Variants in SGCD observed in about 807,000 individuals in gnomAD.
SGCD encodes sarcoglycan delta.
Under a neutral mutation model 36.6 loss-of-function variants are expected in SGCD, and 18 were observed. The observed-to-expected ratio is 0.49, with a 90% CI of 0.34 to 0.73. The LOEUF is 0.73. Ranked by LOEUF, SGCD falls within the 30% of genes least tolerant of loss-of-function variation. The probability of loss-of-function intolerance (pLI) is 0.01; values close to 1 mark genes in which losing one functional copy is unlikely to be tolerated. For missense variants in SGCD, 387 were observed against 346.7 expected, an observed-to-expected ratio of 1.12 and a Z score of -0.92; for synonymous variants, 133 against 130.6, an observed-to-expected ratio of 1.02 and a Z score of -0.12.
At chr5:156,527,194 A>G (rs1757679890) in intron 4 of SGCD, among the ~76,000 whole-genome samples, 1 of 152,098 alleles carries the variant, frequency 6.6e-6, no homozygotes, top group South Asian at 2.1e-4. Context: ...TCACTGATGT[A>G]CAAACACATT....
At chr5:156,019,827 C>A (rs145989596) in intron 1 of SGCD, among the ~76,000 whole-genome samples, 1 of 152,178 alleles carries the variant, frequency 6.6e-6, no homozygotes, top group Non-Finnish European at 1.5e-5. Context: ...CACTAATCTT[C>A]GGCAACTTTT....
intron 3 of SGCD, among the ~76,000 whole-genome samples, chr5:156,433,209 A>G (rs1267409076): frequency 1.3e-5 from 2 of 152,162 alleles, no homozygotes; most frequent in Non-Finnish European, 2.9e-5. Flanking sequence ...ACTCTGCTCT[A>G]ATCATTCTCT....
At chr5:156,410,785 A>G (rs1772699360) in intron 3 of SGCD, among the ~76,000 whole-genome samples, 1 of 152,092 alleles carries the variant, frequency 6.6e-6, no homozygotes, top group Admixed American at 6.6e-5. Context: ...TATCCCTTAC[A>G]TGAGCTATTA....
At chr5:156,312,820 A>G (rs1365861763) in intron 3 of SGCD, among the ~76,000 whole-genome samples, 1 of 152,140 alleles carries the variant, frequency 6.6e-6, no homozygotes, top group East Asian at 1.9e-4. Context: ...AATTAGTTGG[A>G]ATTAGGATCA....
rs146190799 is a variant in SGCD, at chr5:156,541,640, G to A, written c.294+32938G>A. ...CATGGATGGATGGTGATGAAGGGGC[G>A]CATCATAAGAAGAAAAGGGAAAGGA... On this transcript the variant is annotated intron_variant, in intron 4 of 8. Transcript: ENST00000337851. Among the ~76,000 whole-genome samples the A allele has an allele frequency of 8.5e-4, 130 of 152,068 alleles. 2 individuals are homozygous for A. Among genetic ancestry groups the A allele is most frequent in the East Asian group, 3.3e-3 (17 of 5,184 alleles).
intron 3 of SGCD, among the ~76,000 whole-genome samples, chr5:156,320,234 C>T (rs1767622942): frequency 6.6e-6 from 1 of 151,956 alleles, no homozygotes; most frequent in African/African-American, 2.4e-5. Context: ...AATTCCTGCA[C>T]CCATCAGTTG....
At chr5:156,502,282 G>A (rs957229160) in intron 3 of SGCD, among the ~76,000 whole-genome samples, 4 of 151,886 alleles carry the variant, frequency 2.6e-5, no homozygotes, top group African/African-American at 9.7e-5. Flanking sequence ...TCCTGACCTC[G>A]TGATCCGCCC....
intron 7 of SGCD, among the ~76,000 whole-genome samples, chr5:156,659,585 AC>A (rs2113623777): frequency 6.8e-6 from 1 of 146,026 alleles, no homozygotes; most frequent in East Asian, 2.0e-4. Context: ...GCTTTACGCA[AC>A]TTTGTAAAGG....
chr5:156,224,954 T>C (rs1216400504), intron 3 of SGCD, among the ~76,000 whole-genome samples: 1 of 152,142 alleles, frequency 6.6e-6, no homozygotes, highest in Non-Finnish European at 1.5e-5. Context: ...TTTAAGACTG[T>C]TAGATATTAT....
chr5:155,802,509 A>G, the SGCD span, among the ~76,000 whole-genome samples: 1 of 152,336 alleles, frequency 6.6e-6, no homozygotes, highest in Admixed American at 6.5e-5. Flanking sequence ...AGCTGGCAAA[A>G]TGAATACACA....
chr5:155,761,706 A>G, the SGCD span, among the ~76,000 whole-genome samples: 2 of 140,712 alleles, frequency 1.4e-5, no homozygotes, highest in African/African-American at 5.4e-5. Context: ...CACCCTCTCC[A>G]TCATCTCTCC....
intron 1 of SGCD, among the ~76,000 whole-genome samples, chr5:155,905,173 A>G (rs1756475865): frequency 6.6e-6 from 1 of 152,304 alleles, no homozygotes; most frequent in Non-Finnish European, 1.5e-5. Context: ...AGACCTGAGA[A>G]TTCTGGAAAG....
At chr5:156,554,807 A>G (rs144377098) in intron 4 of SGCD, among the ~76,000 whole-genome samples, 45 of 152,166 alleles carry the variant, frequency 3.0e-4, no homozygotes, top group African/African-American at 1.0e-3. Flanking sequence ...TACTGAGGGA[A>G]GCAATCCAAG....
At chr5:156,224,932 G>C (rs1764812395) in intron 3 of SGCD, among the ~76,000 whole-genome samples, 2 of 152,130 alleles carry the variant, frequency 1.3e-5, no homozygotes, top group African/African-American at 4.8e-5. Flanking sequence ...TAAGAACTTT[G>C]AGTGAGGCTG....
At chr5:155,958,950 A>G (rs1472953205) in intron 1 of SGCD, among the ~76,000 whole-genome samples, 2 of 152,116 alleles carry the variant, frequency 1.3e-5, no homozygotes, top group Non-Finnish European at 2.9e-5. Flanking sequence ...ATAATCCCAT[A>G]CCAGGGACCT....
At chr5:156,591,200 T>G (rs1760711547) in intron 5 of SGCD, among the ~76,000 whole-genome samples, 1 of 152,134 alleles carries the variant, frequency 6.6e-6, no homozygotes, top group Admixed American at 6.6e-5. Flanking sequence ...GGTGCTGTAC[T>G]TGTTGGAAAA....
intron 1 of SGCD, among the ~76,000 whole-genome samples, chr5:156,042,351 A>G (rs550620556): frequency 6.6e-6 from 1 of 152,232 alleles, no homozygotes; most frequent in Admixed American, 6.5e-5. Context: ...CTAATAAATG[A>G]CAGATGCAGG....
chr5:156,695,351 A>C (rs975707314), intron 7 of SGCD, among the ~76,000 whole-genome samples: 4 of 152,124 alleles, frequency 2.6e-5, no homozygotes, highest in Non-Finnish European at 5.9e-5. Flanking sequence ...TAATAGAAAA[A>C]GACTGAAGAG....
At chr5:156,372,678 G>A (rs1022554696) in intron 3 of SGCD, among the ~76,000 whole-genome samples, 1 of 152,122 alleles carries the variant, frequency 6.6e-6, no homozygotes, top group African/African-American at 2.4e-5. Context: ...GGAAACATGG[G>A]CTATTTTAGC....
Sources: allele counts gnomAD v4.1 joint callset (sites outside exome capture counted in the v4.1 genomes callset), GRCh38; gene constraint gnomAD v4.1.1; transcripts MANE v1.5; gene names NCBI Gene and HGNC (gene_info 2026-07-23, HGNC 2026-07-21).